The following KAZN variants were observed in gnomAD, a reference collection of about 807,000 sequenced individuals.
KAZN encodes kazrin.
Under a neutral mutation model 87.4 loss-of-function variants are expected in KAZN, and 40 were observed. That is an observed-to-expected ratio of 0.46 (90% confidence interval 0.36 to 0.60). The LOEUF (loss-of-function observed/expected upper bound fraction) is 0.60. Among genes scored for constraint, KAZN ranks in the 20% least tolerant of loss-of-function variants. KAZN has a pLI of 0.00. For synonymous variants in KAZN, 466 were observed against 458.3 expected (o/e 1.02, Z -0.22); for missense variants, 898 against 1,073.9 (o/e 0.84, Z 2.29).
intron 2 of KAZN, among the ~76,000 whole-genome samples, chr1:14,499,649 A>G (rs2148424828): frequency 6.6e-6 from 1 of 152,328 alleles, no homozygotes; most frequent in East Asian, 1.9e-4. Context: ...AGGTGTAGAC[A>G]GGACAGGGTT....
chr1:14,244,225 C>T (rs1263719038), intron 2 of KAZN, among the ~76,000 whole-genome samples: 3 of 152,190 alleles, frequency 2.0e-5, no homozygotes, highest in African/African-American at 4.8e-5. Context: ...CCACTTGGAT[C>T]ATTTTTGCTC....
intron 1 of KAZN, among the ~76,000 whole-genome samples, chr1:14,920,217 G>A (rs1658339588): frequency 6.6e-6 from 1 of 151,234 alleles, no homozygotes; most frequent in Non-Finnish European, 1.5e-5. Context: ...TGTTCCTCTG[G>A]GAACGAGGGG....
intron 2 of KAZN, among the ~76,000 whole-genome samples, chr1:14,466,783 A>G (rs1428273079): frequency 1.3e-5 from 2 of 152,112 alleles, no homozygotes; most frequent in Admixed American, 6.5e-5. Flanking sequence ...CCTGGCTAAC[A>G]CGGTGAAACC....
chr1:14,463,980 A>AT (rs545039988), intron 2 of KAZN, among the ~76,000 whole-genome samples: 25 of 152,312 alleles, frequency 1.6e-4, no homozygotes, highest in African/African-American at 6.0e-4. Flanking sequence ...AGGCCGTATC[A>AT]TTTTCACTTC....
chr1:14,398,682 A>G (rs528158729), intron 2 of KAZN, among the ~76,000 whole-genome samples: 8 of 152,296 alleles, frequency 5.3e-5, no homozygotes, highest in African/African-American at 1.7e-4. Context: ...ATTCTCTGAG[A>G]TGACTCTTTT....
chr1:14,064,085 C>G lies in KAZN; in HGVS notation c.92-116350C>G, dbSNP rs553278405. On this transcript the variant is annotated intron_variant, in intron 1 of 16. Coordinates refer to the KAZN transcript ENST00000636203. ...CACCTGCCACTCTGCCTGGCTAATT[C>G]TTTTGTATTTTTAGTAGAGATGGGG... is the stretch of plus-strand genomic sequence containing the variant. Among the ~76,000 whole-genome samples, 55 of 152,152 alleles carry G rather than the reference C, an allele frequency of 3.6e-4. 1 individual carries two copies. Among genetic ancestry groups the G allele is most frequent in the African/African-American group, 1.3e-3 (53 of 41,528 alleles).
intron 1 of KAZN, among the ~76,000 whole-genome samples, chr1:14,824,326 C>A (rs1193372584): frequency 6.6e-6 from 1 of 152,022 alleles, no homozygotes; most frequent in African/African-American, 2.4e-5. Context: ...GGCAGGAGAC[C>A]CTTGGGTTAG....
intron 1 of KAZN, among the ~76,000 whole-genome samples, chr1:14,828,259 A>G (rs1158239990): frequency 6.6e-6 from 1 of 152,236 alleles, no homozygotes; most frequent in Non-Finnish European, 1.5e-5. Context: ...ACAACATAAA[A>G]TATCTCGGCT....
At chr1:14,522,433 A>C (rs2148466288) in intron 2 of KAZN, among the ~76,000 whole-genome samples, 1 of 152,258 alleles carries the variant, frequency 6.6e-6, no homozygotes, top group East Asian at 1.9e-4. Flanking sequence ...CTGCTCTCCT[A>C]ATTTGATCCT....
chr1:14,281,307 A>G (rs186887724), intron 2 of KAZN, among the ~76,000 whole-genome samples: 58 of 152,302 alleles, frequency 3.8e-4, no homozygotes, highest in African/African-American at 1.4e-3. Context: ...TGAGGTGCAC[A>G]TATGTATTTG....
chr1:13,959,964 G>C (rs1641690238), intron 1 of KAZN, among the ~76,000 whole-genome samples: 2 of 152,122 alleles, frequency 1.3e-5, no homozygotes, highest in Admixed American at 1.3e-4. Context: ...ATGATGAATA[G>C]AAACGGATAC....
chr1:14,772,020 G>A (rs1252800348), intron 1 of KAZN, among the ~76,000 whole-genome samples: 3 of 152,062 alleles, frequency 2.0e-5, no homozygotes, highest in African/African-American at 7.2e-5. Flanking sequence ...GAAGAAATTG[G>A]TGCTCTTTCT....
At chr1:15,020,035 C>T (rs12130605) in intron 2 of KAZN, among the ~76,000 whole-genome samples, 22,426 of 152,040 alleles carry the variant, frequency 0.15, 1,806 homozygotes, top group Non-Finnish European at 0.18. Flanking sequence ...CACAGCTCAT[C>T]TTCCTTCCCC....
chr1:14,905,870 A>AATG (rs1358745216), intron 1 of KAZN, among the ~76,000 whole-genome samples: 3 of 128,924 alleles, frequency 2.3e-5, no homozygotes, highest in East Asian at 4.2e-4. Context: ...TAATAATAAT[A>AATG]ATAATGATAC....
chr1:14,672,537 C>T (rs953789552), intron 1 of KAZN, among the ~76,000 whole-genome samples: 1 of 152,222 alleles, frequency 6.6e-6, no homozygotes, highest in South Asian at 2.1e-4. Context: ...AAAGAATCAG[C>T]TCTCTCCTCT....
chr1:14,528,355 A>G (rs1457475317), intron 2 of KAZN, among the ~76,000 whole-genome samples: 11 of 150,336 alleles, frequency 7.3e-5, no homozygotes, highest in East Asian at 2.0e-4. Context: ...AAAAAAAAAA[A>G]AAAAAAGAAA....
intron 1 of KAZN, among the ~76,000 whole-genome samples, chr1:14,737,823 A>C (rs1376003917): frequency 6.6e-6 from 1 of 152,142 alleles, no homozygotes; most frequent in Admixed American, 6.5e-5. Flanking sequence ...CAGTTCCTTG[A>C]CACATGGGCC....
chr1:14,713,930 C>T (rs10803305), intron 1 of KAZN, among the ~76,000 whole-genome samples: 101,370 of 151,780 alleles, frequency 0.67, 34,095 homozygotes, highest in East Asian at 0.79. Flanking sequence ...CACTCCAGCC[C>T]GGGCAACAGA....
intron 1 of KAZN, among the ~76,000 whole-genome samples, chr1:14,088,741 C>T (rs1643907227): frequency 6.6e-6 from 1 of 151,746 alleles, no homozygotes; most frequent in Non-Finnish European, 1.5e-5. Flanking sequence ...ATATTGAGGT[C>T]TCTGTAATTA....
Sources: gnomAD v4.1 joint callset for allele counts (sites outside exome capture counted in the v4.1 genomes callset) on GRCh38, gnomAD v4.1.1 for gene constraint, MANE v1.5 for transcripts, NCBI Gene and HGNC (gene_info 2026-07-23, HGNC 2026-07-21) for gene names.